The following RFX3 variants were observed in gnomAD, a reference collection of about 807,000 sequenced individuals.
The protein encoded by RFX3 is transcription factor RFX3.
Under a neutral mutation model 98.6 loss-of-function variants are expected in RFX3, and 14 were observed. That is an observed-to-expected ratio of 0.14 (90% CI 0.09 to 0.22). The LOEUF is 0.22. Ranked by LOEUF, RFX3 falls within the 10% of genes least tolerant of loss-of-function variation. RFX3 has a pLI of 1.00. For missense variants in RFX3, 639 were observed against 926.9 expected (o/e 0.69, Z 4.03); for synonymous variants, 383 against 328.4 (o/e 1.17, Z -1.80).
chr9:3,374,611 C>T (rs958556283), intron 2 of RFX3, among the ~76,000 whole-genome samples: 10 of 152,024 alleles, frequency 6.6e-5, no homozygotes, highest in African/African-American at 2.4e-4. Flanking sequence ...AAACAGATCA[C>T]AAAAAGACAA....
intron 1 of RFX3, among the ~76,000 whole-genome samples, chr9:3,418,597 C>T (rs895738784): frequency 6.6e-6 from 1 of 152,110 alleles, no homozygotes; most frequent in African/African-American, 2.4e-5. Context: ...CCAGGCTGGT[C>T]TCGAACTCCT....
intron 4 of RFX3, among the ~76,000 whole-genome samples, chr9:3,328,288 T>C (rs1832160896): frequency 2.0e-5 from 3 of 152,210 alleles, no homozygotes; most frequent in Non-Finnish European, 4.4e-5. Flanking sequence ...TCTATCTCTT[T>C]TCTTTTTATG....
At chr9:3,320,045 G>A (rs961892355) in intron 4 of RFX3, among the ~76,000 whole-genome samples, 1 of 152,098 alleles carries the variant, frequency 6.6e-6, no homozygotes, top group Non-Finnish European at 1.5e-5. Context: ...GGTTTAATGT[G>A]AACTGTGACA....
chr9:3,244,572 C>T (rs886153456), intron 15 of RFX3, among the ~76,000 whole-genome samples: 1 of 152,160 alleles, frequency 6.6e-6, no homozygotes, highest in African/African-American at 2.4e-5. Flanking sequence ...TCTCACCCAC[C>T]TCTGTCAGGG....
At chr9:3,376,766 A>T (rs1838557124) in intron 2 of RFX3, among the ~76,000 whole-genome samples, 1 of 152,186 alleles carries the variant, frequency 6.6e-6, no homozygotes, top group Non-Finnish European at 1.5e-5. Flanking sequence ...AAACAACCCC[A>T]TCAAAAAGTG....
intron 4 of RFX3, among the ~76,000 whole-genome samples, chr9:3,317,014 A>G (rs1021039044): frequency 3.9e-4 from 59 of 152,198 alleles, no homozygotes; most frequent in African/African-American, 1.4e-3. Context: ...ATTGGAAAAA[A>G]CTACTTTAAA....
chr9:3,509,561 T>C (rs1817464914), intron 1 of RFX3, among the ~76,000 whole-genome samples: 1 of 151,978 alleles, frequency 6.6e-6, no homozygotes, highest in African/African-American at 2.4e-5. Context: ...GCATTTCTCC[T>C]TAAAATAAAG....
chr9:3,226,729 T>C (rs1026034542), intron 16 of RFX3, among the ~76,000 whole-genome samples: 2 of 152,206 alleles, frequency 1.3e-5, no homozygotes, highest in South Asian at 4.1e-4. Context: ...AGACATTTAC[T>C]TCATCAAGAG....
chr9:3,505,222 T>TTATATATGAATATATATTTA lies in RFX3; in HGVS notation c.-9+20505_-9+20524dup, dbSNP rs1281423056. Among the ~76,000 whole-genome samples, 32 of 55,574 alleles carry TTATATATGAATATATATTTA rather than the reference T, an allele frequency of 5.8e-4. 1 individual carries two copies. Among genetic ancestry groups the TTATATATGAATATATATTTA allele is most frequent in the African/African-American group, 2.0e-3 (19 of 9,596 alleles). The allele number at this position is 55,574 out of a possible 152,430, so 36.5% of individuals were successfully genotyped here. ...TATTTATATATATATGAATATATATTTATATATGAATATATATTTATATAT... is the reference window on the plus strand; with the variant it reads ...TATTTATATATATATGAATATATATTTATATATGAATATATATTTATATATATGAATATATATTTATATAT... On this transcript the variant is annotated intron_variant, in intron 1 of 16. Coordinates refer to ENST00000617270, the MANE Select transcript of RFX3 (RefSeq NM_001282116.2).
chr9:3,449,855 G>A (rs1053410634), intron 1 of RFX3, among the ~76,000 whole-genome samples: 41 of 141,926 alleles, frequency 2.9e-4, no homozygotes, highest in African/African-American at 1.1e-3. Context: ...GCAACTGAGC[G>A]ACACCCTGTC....
At chr9:3,265,219 ACTT>A (rs1375448529) in intron 12 of RFX3, among the ~76,000 whole-genome samples, 2 of 152,148 alleles carry the variant, frequency 1.3e-5, no homozygotes, top group Non-Finnish European at 2.9e-5. Context: ...TTTTCATTTC[ACTT>A]AATTTAAAAT....
intron 13 of RFX3, among the ~76,000 whole-genome samples, chr9:3,262,621 T>A (rs550590703): frequency 1.3e-5 from 2 of 152,330 alleles, no homozygotes; most frequent in South Asian, 4.1e-4. Context: ...ATCCCACAGC[T>A]GGTATATGAG....
At chr9:3,256,366 G>A (rs1182314621) in intron 14 of RFX3, among the ~76,000 whole-genome samples, 5 of 144,508 alleles carry the variant, frequency 3.5e-5, no homozygotes. Flanking sequence ...CATTAATTCT[G>A]ATGTGCAGCC....
At chr9:3,463,813 A>C (rs1053078837) in intron 1 of RFX3, among the ~76,000 whole-genome samples, 1 of 152,086 alleles carries the variant, frequency 6.6e-6, no homozygotes, top group African/African-American at 2.4e-5. Flanking sequence ...ATCTACAAAA[A>C]GTTAAAAAAA....
At chr9:3,440,772 G>A (rs1460553036) in intron 1 of RFX3, among the ~76,000 whole-genome samples, 2 of 152,048 alleles carry the variant, frequency 1.3e-5, no homozygotes, top group Non-Finnish European at 2.9e-5. Context: ...ACTTAGAATA[G>A]CAAAAACACC....
intron 1 of RFX3, among the ~76,000 whole-genome samples, chr9:3,405,506 C>T (rs1841874256): frequency 6.6e-6 from 1 of 152,106 alleles, no homozygotes; most frequent in Non-Finnish European, 1.5e-5. Context: ...TTCTATTAAA[C>T]TTTCTGCCAA....
chr9:3,235,190 G>A (rs1818971811), intron 15 of RFX3, among the ~76,000 whole-genome samples: 1 of 152,182 alleles, frequency 6.6e-6, no homozygotes, highest in Non-Finnish European at 1.5e-5. Flanking sequence ...TTCCCTAACG[G>A]GACATTTGCT....
chr9:3,390,097 A>G (rs982632246), intron 2 of RFX3, among the ~76,000 whole-genome samples: 3 of 152,202 alleles, frequency 2.0e-5, no homozygotes, highest in African/African-American at 7.2e-5. Flanking sequence ...TAATACTGCA[A>G]TCCTGAAATT....
At chr9:3,269,193 T>C (rs1309614038) in intron 11 of RFX3, among the ~76,000 whole-genome samples, 1 of 151,986 alleles carries the variant, frequency 6.6e-6, no homozygotes, top group Non-Finnish European at 1.5e-5. Context: ...TATTCCTATA[T>C]AAATTTACGT....
Sources: gnomAD v4.1 joint callset for allele counts (sites outside exome capture counted in the v4.1 genomes callset) on GRCh38, gnomAD v4.1.1 for gene constraint, MANE v1.5 for transcripts, NCBI Gene and HGNC (gene_info 2026-07-23, HGNC 2026-07-21) for gene names.